RCL1: variants seen among roughly 807,000 people sequenced by gnomAD.
The protein encoded by RCL1 is RNA terminal phosphate cyclase like 1, also known as RNA 3'-terminal phosphate cyclase-like protein.
RCL1 carries 24 observed loss-of-function variants against 42.4 expected under a neutral mutation model. The ratio of observed to expected loss-of-function variants is 0.57; its 90% CI spans 0.41 to 0.80. The LOEUF (loss-of-function observed/expected upper bound fraction) is 0.80, where lower values mean the gene tolerates loss of function less well. RCL1 is among the 30% of genes least tolerant of loss of function. The pLI is 0.00. For missense variants in RCL1, 578 were observed against 467.9 expected, an observed-to-expected ratio of 1.24 and a Z score of -2.17; for synonymous variants, 228 against 177.3, an observed-to-expected ratio of 1.29 and a Z score of -2.27.
intron 1 of RCL1, among the ~76,000 whole-genome samples, chr9:4,801,718 CTTTTTTTTT>C (rs57255135): frequency 3.6e-5 from 4 of 111,472 alleles, no homozygotes; most frequent in African/African-American, 1.2e-4. Context: ...GGTTGCGATT[CTTTTTTTTT>C]TTTTTTTTTG....
At chr9:4,831,202 C>T (rs1816929741) in intron 3 of RCL1, among the ~76,000 whole-genome samples, 1 of 152,222 alleles carries the variant, frequency 6.6e-6, no homozygotes, top group African/African-American at 2.4e-5. Flanking sequence ...GACAGGACTA[C>T]ACCTGGAATT....
At chr9:4,834,471 C>CTTTT (rs5896097) in intron 5 of RCL1, among the ~76,000 whole-genome samples, 2 of 128,430 alleles carry the variant, frequency 1.6e-5, no homozygotes, top group South Asian at 2.5e-4. Flanking sequence ...TTGAGTCATT[C>CTTTT]TTTTTTTTTT....
chr9:4,800,492 G>A (rs572193715), intron 1 of RCL1, among the ~76,000 whole-genome samples: 2 of 152,222 alleles, frequency 1.3e-5, no homozygotes, highest in South Asian at 2.1e-4. Flanking sequence ...TGGGATTACA[G>A]GTGTGCACCA....
chr9:4,800,021 G>C (rs1416742618), intron 1 of RCL1, among the ~76,000 whole-genome samples: 1 of 152,118 alleles, frequency 6.6e-6, no homozygotes, highest in Non-Finnish European at 1.5e-5. Flanking sequence ...CTTTTTTTCA[G>C]TCAGCATGAT....
intron 5 of RCL1, among the ~76,000 whole-genome samples, chr9:4,835,810 T>G (rs1172016185): frequency 6.6e-6 from 1 of 152,252 alleles, no homozygotes; most frequent in Non-Finnish European, 1.5e-5. Flanking sequence ...GAGACTGTCA[T>G]GAAGGTAAAA....
intron 1 of RCL1, chr9:4,803,698 C>A (rs1350618947): frequency 1.3e-5 from 2 of 152,484 alleles, no homozygotes; most frequent in Non-Finnish European, 2.9e-5. Context: ...GTGGCCTCCT[C>A]TTCTCACTGG....
intron 1 of RCL1, among the ~76,000 whole-genome samples, chr9:4,818,871 CA>C (rs34209971): frequency 0.5 from 57,701 of 114,860 alleles, 12,966 homozygotes; most frequent in East Asian, 0.79. Flanking sequence ...GACTCTGTCT[CA>C]AAAAAAAAAA....
At chr9:4,818,129 C>T (rs556151993) in intron 1 of RCL1, among the ~76,000 whole-genome samples, 246 of 151,928 alleles carry the variant, frequency 1.6e-3, no homozygotes, top group African/African-American at 5.7e-3. Context: ...CCATGTTGGC[C>T]AGGCTGGTCT....
chr9:4,849,633 C>G (rs1254986292), intron 8 of RCL1, 83 bp downstream of exon 8: 22 of 993,580 alleles, frequency 2.2e-5, no homozygotes, highest in African/African-American at 4.8e-5. Context: ...TTGTGCTGCA[C>G]AGAGCCTGCA....
At chr9:4,824,238 T>A (rs550202074) in intron 2 of RCL1, among the ~76,000 whole-genome samples, 1 of 152,218 alleles carries the variant, frequency 6.6e-6, no homozygotes, top group African/African-American at 2.4e-5. Flanking sequence ...GCAAAAGATG[T>A]GAACATCCCT....
intron 1 of RCL1, among the ~76,000 whole-genome samples, chr9:4,800,370 A>G (rs1842978848): frequency 6.6e-6 from 1 of 151,976 alleles, no homozygotes; most frequent in Non-Finnish European, 1.5e-5. Context: ...ACCCACCACC[A>G]TGCCCAGATA....
chr9:4,858,471 C>T (rs1818038915), intron 8 of RCL1, among the ~76,000 whole-genome samples: 1 of 152,096 alleles, frequency 6.6e-6, no homozygotes, highest in Admixed American at 6.5e-5. Flanking sequence ...CCTGTATTTT[C>T]TTTAGTGAAC....
At chr9:4,852,475 C>T (rs970384890) in intron 8 of RCL1, among the ~76,000 whole-genome samples, 7 of 152,224 alleles carry the variant, frequency 4.6e-5, no homozygotes, top group Non-Finnish European at 1.0e-4. Context: ...CCAGAGCTCT[C>T]TGCATTCTGC....
chr9:4,796,330 G>A (rs769303167), intron 1 of RCL1, among the ~76,000 whole-genome samples: 5 of 152,178 alleles, frequency 3.3e-5, no homozygotes, highest in Non-Finnish European at 4.4e-5. Context: ...AGAACATGGA[G>A]TATTTGATTT....
Position 4,833,139 on chromosome 9 carries a change from G to A in RCL1, c.385-15G>A. ...AGGCTTAATTAAACTTTTCTTTTCT[G>A]AAATAATTTCATAGGTTGATGTTCT... On this transcript the variant is annotated splice_polypyrimidine_tract_variant and intron_variant, in intron 3 of 8. Coordinates refer to ENST00000381750, the MANE Select transcript of RCL1 (RefSeq NM_005772.5). The A allele has an allele frequency of 1.3e-6, 2 of 1,594,124 alleles. No individual in the cohort carries two copies. Among genetic ancestry groups the A allele is most frequent in the African/African-American group, 1.3e-5 (1 of 74,608 alleles).
chr9:4,810,498 T>TG (rs1816136988), intron 1 of RCL1, among the ~76,000 whole-genome samples: 1 of 152,270 alleles, frequency 6.6e-6, no homozygotes, highest in South Asian at 2.1e-4. Flanking sequence ...ATCTCCGTGT[T>TG]GTAGCAGCAG....
intron 6 of RCL1, among the ~76,000 whole-genome samples, chr9:4,842,697 C>T (rs1817373963): frequency 6.6e-6 from 1 of 152,124 alleles, no homozygotes; most frequent in South Asian, 2.1e-4. Flanking sequence ...AATGGTAGCT[C>T]CTGATGCTGT....
chr9:4,850,163 G>A (rs542357766), intron 8 of RCL1: 13 of 384,034 alleles, frequency 3.4e-5, no homozygotes, highest in African/African-American at 2.4e-4. Flanking sequence ...ATGAGGTTGC[G>A]GAAAACAGCC....
At chr9:4,842,853 C>G (rs1389602514) in intron 6 of RCL1, among the ~76,000 whole-genome samples, 1 of 152,210 alleles carries the variant, frequency 6.6e-6, no homozygotes, top group Non-Finnish European at 1.5e-5. Flanking sequence ...CCCTTCTCTG[C>G]TTTGCCTCTC....
Sources: gnomAD v4.1 joint callset for allele counts (sites outside exome capture counted in the v4.1 genomes callset) on GRCh38, gnomAD v4.1.1 for gene constraint, MANE v1.5 for transcripts, NCBI Gene and HGNC (gene_info 2026-07-23, HGNC 2026-07-21) for gene names.